The following TRIP12 variants were observed in gnomAD, a reference collection of about 807,000 sequenced individuals.
The protein encoded by TRIP12 is E3 ubiquitin-protein ligase TRIP12.
Under a neutral mutation model 244.2 loss-of-function variants are expected in TRIP12, and 25 were observed. The observed-to-expected ratio is 0.10, with a 90% CI of 0.07 to 0.14. The LOEUF (loss-of-function observed/expected upper bound fraction) is 0.14. Among genes scored for constraint, TRIP12 ranks in the 10% least tolerant of loss-of-function variants. The pLI, the probability that TRIP12 is intolerant of heterozygous loss-of-function variation, is 1.00. For missense variants in TRIP12, 1,677 were observed against 2,486.4 expected (o/e 0.67, Z 6.92); for synonymous variants, 905 against 873.1 (o/e 1.04, Z -0.64).
chr2:229,922,353 G>C (rs2076737727), upstream of TRIP12: 4 of 661,930 alleles, frequency 6.0e-6, no homozygotes, highest in Non-Finnish European at 7.8e-6. Flanking sequence ...CACGGATCAG[G>C]GTTCCCTAAG....
chr2:229,832,169 A>T (rs79918091), intron 6 of TRIP12, among the ~76,000 whole-genome samples: 75 of 152,330 alleles, frequency 4.9e-4, no homozygotes, highest in African/African-American at 1.8e-3. Flanking sequence ...TAAAAAAAAA[A>T]TTCTTAGAAA....
At chr2:229,811,237 TA>T (rs2047170257) in intron 13 of TRIP12, 33 bp from the exon 14 acceptor site, 1 of 1,589,576 alleles carries the variant, frequency 6.3e-7, no homozygotes, top group Non-Finnish European at 8.6e-7. Context: ...TAAAATTTAT[TA>T]GCATAAAGCA....
At chr2:229,881,409 A>G (rs1318720496) in intron 1 of TRIP12, among the ~76,000 whole-genome samples, 2 of 152,216 alleles carry the variant, frequency 1.3e-5, no homozygotes, top group Admixed American at 6.5e-5. Context: ...TTACTGGGAA[A>G]GAGAGTGAAC....
chr2:229,790,005 C>G (rs765992331), intron 30 of TRIP12, among the ~76,000 whole-genome samples: 114 of 152,312 alleles, frequency 7.5e-4, no homozygotes, highest in Non-Finnish European at 1.3e-3. Flanking sequence ...TGCAGGAAAG[C>G]TGACTCCTCC....
chr2:229,786,402 T>G (rs370430952), intron 33 of TRIP12, among the ~76,000 whole-genome samples: 35,433 of 146,628 alleles, frequency 0.24, 5,042 homozygotes, highest in Middle Eastern at 0.41. Context: ...ATGACTTTTT[T>G]TTTTTTTTTT....
At chr2:229,803,879 GCT>G in intron 19 of TRIP12, 118 bp downstream of exon 19, 5 of 938,506 alleles carry the variant, frequency 5.3e-6, no homozygotes, top group Non-Finnish European at 7.8e-6. Flanking sequence ...ACAAAAAAGA[GCT>G]CAAGATACTC....
At chr2:229,782,827 A>C (rs539871143) in intron 34 of TRIP12, among the ~76,000 whole-genome samples, 32 of 152,254 alleles carry the variant, frequency 2.1e-4, no homozygotes, top group Non-Finnish European at 3.7e-4. Flanking sequence ...CACAACTTTG[A>C]GGTTATACTA....
chr2:229,827,961 A>G, intron 8 of TRIP12, among the ~76,000 whole-genome samples: 1 of 152,200 alleles, frequency 6.6e-6, no homozygotes. Flanking sequence ...AAATGATAAA[A>G]GTATGGTTTA....
chr2:229,769,438 T>A (rs2033296768), intron 39 of TRIP12, 113 bp from the exon 40 acceptor site: 1 of 648,112 alleles, frequency 1.5e-6, no homozygotes, highest in Non-Finnish European at 2.4e-6. Flanking sequence ...ACTAAAACCT[T>A]CTGCTTGGGA....
In TRIP12 at chr2:229,859,291, G is replaced by C; in HGVS notation, c.508C>G (p.Pro170Ala). 6.2e-7 allele frequency: 1 copy of C among 1,614,186 alleles called. No individual in the cohort carries two copies. Among genetic ancestry groups the C allele is most frequent in the Non-Finnish European group, 8.5e-7 (1 of 1,180,042 alleles). The change falls in exon 4 of 42, where the codon CCA becomes GCA. Residue 170 changes from proline (P) to alanine (A), a missense_variant. By Grantham distance (27) the Pro-to-Ala change is conservative (BLOSUM62 -1). Coordinates refer to ENST00000675903, the MANE Select transcript of TRIP12 (RefSeq NM_001348323.3). The part of the protein sequence containing the change: ...QEQQLKSAQS[P>A]STSKAHTRKS... ...CTGGTATGAGCCTTGCTTGTTGATG[G>C]TGATTGTGCAGATTTCAGTTGTTGC...
At chr2:229,805,506 G>A (rs1009773737) in intron 18 of TRIP12, among the ~76,000 whole-genome samples, 15 of 152,112 alleles carry the variant, frequency 9.9e-5, no homozygotes, top group Non-Finnish European at 1.3e-4. Context: ...ATTCTGACTC[G>A]AATCTCAGGA....
At chr2:229,822,196 A>G (rs1045337717) in intron 8 of TRIP12, among the ~76,000 whole-genome samples, 2 of 152,228 alleles carry the variant, frequency 1.3e-5, no homozygotes, top group African/African-American at 4.8e-5. Flanking sequence ...AGAAGTTTTG[A>G]TAAGATAGAA....
At chr2:229,792,900 T>C (rs1368888324) in intron 27 of TRIP12, 73 bp downstream of exon 27, 3 of 1,427,050 alleles carry the variant, frequency 2.1e-6, no homozygotes, top group Non-Finnish European at 2.8e-6. Flanking sequence ...AGAGAAATAA[T>C]GTATGTAACT....
At chr2:229,784,890 A>G (rs2039500300) in intron 34 of TRIP12, among the ~76,000 whole-genome samples, 1 of 152,210 alleles carries the variant, frequency 6.6e-6, no homozygotes, top group Admixed American at 6.5e-5. Context: ...ACATATCTCT[A>G]TCTTACCAAA....
intron 39 of TRIP12, 132 bp from the exon 40 acceptor site, chr2:229,769,457 C>CAAAA: frequency 3.5e-6 from 1 of 286,610 alleles, no homozygotes; most frequent in Non-Finnish European, 5.9e-6. Context: ...GACCTCTTTC[C>CAAAA]AAAAAAAAAA....
intron 1 of TRIP12, among the ~76,000 whole-genome samples, chr2:229,918,019 T>A (rs747397549): frequency 6.6e-6 from 1 of 152,106 alleles, no homozygotes; most frequent in Admixed American, 6.6e-5. Flanking sequence ...CATGAAATCA[T>A]CCTTGCCCTC....
intron 6 of TRIP12, chr2:229,831,212 A>G: frequency 1.5e-6 from 1 of 683,504 alleles, no homozygotes; most frequent in Admixed American, 2.5e-5. Context: ...CCAATTAGTA[A>G]CAAAAATAAT....
At chr2:229,918,101 C>T (rs2075844472) in intron 1 of TRIP12, among the ~76,000 whole-genome samples, 1 of 152,142 alleles carries the variant, frequency 6.6e-6, no homozygotes, top group Non-Finnish European at 1.5e-5. Flanking sequence ...AATGCAGAAA[C>T]GAAGCAAGTA....
intron 4 of TRIP12, among the ~76,000 whole-genome samples, chr2:229,857,788 CTA>C (rs1467891532): frequency 6.6e-6 from 1 of 152,228 alleles, no homozygotes. Flanking sequence ...GCACATAACG[CTA>C]TGTTTCTTCC....
Sources: allele counts gnomAD v4.1 joint callset (sites outside exome capture counted in the v4.1 genomes callset), GRCh38; gene constraint gnomAD v4.1.1; transcripts MANE v1.5; gene names NCBI Gene and HGNC (gene_info 2026-07-23, HGNC 2026-07-21).